BLTP3A: variants seen among roughly 807,000 people sequenced by gnomAD.
BLTP3A encodes the protein bridge-like lipid transfer protein family member 3A.
At chr6:34,800,808 A>C in the BLTP3A span, among the ~76,000 whole-genome samples, 5 of 144,896 alleles carry the variant, frequency 3.5e-5, no homozygotes, top group Admixed American at 2.7e-4. Flanking sequence ...GCTCACTGCC[A>C]CCTCCGCCTC....
the BLTP3A span, chr6:34,858,549 C>T: frequency 1.2e-6 from 2 of 1,614,168 alleles, no homozygotes; most frequent in Non-Finnish European, 1.7e-6. Flanking sequence ...CCTGCCTACC[C>T]CTCCGCTGGC....
the BLTP3A span, chr6:34,875,753 T>TA: frequency 3.9e-5 from 6 of 152,196 alleles, no homozygotes; most frequent in Non-Finnish European, 7.3e-5. Flanking sequence ...GGGATTTTAG[T>TA]AAAAATCAGC....
the BLTP3A span, chr6:34,792,228 T>C: frequency 2.3e-5 from 35 of 1,533,160 alleles, no homozygotes; most frequent in Non-Finnish European, 2.9e-5. Flanking sequence ...CCACCCGCCT[T>C]CCACGCGGGC....
At chr6:34,869,037 G>C in the BLTP3A span, among the ~76,000 whole-genome samples, 1 of 151,508 alleles carries the variant, frequency 6.6e-6, no homozygotes, top group East Asian at 1.9e-4. Context: ...ACACAGTCTT[G>C]CTCTGTTGCC....
chr6:34,868,460 T>C, the BLTP3A span, among the ~76,000 whole-genome samples: 2 of 151,896 alleles, frequency 1.3e-5, no homozygotes, highest in Admixed American at 6.6e-5. Context: ...TGGTGGCTCA[T>C]GCCTGTAATC....
the BLTP3A span, chr6:34,871,179 C>T: frequency 6.5e-7 from 1 of 1,546,074 alleles, no homozygotes; most frequent in Non-Finnish European, 8.7e-7. Flanking sequence ...TGGACTTTGT[C>T]AAGCAAGGAA....
the BLTP3A span, among the ~76,000 whole-genome samples, chr6:34,852,830 G>T: frequency 2.0e-5 from 3 of 152,204 alleles, no homozygotes; most frequent in Non-Finnish European, 4.4e-5. Flanking sequence ...CCAGAACTCA[G>T]GTAATAACCT....
At chr6:34,872,644 G>A in the BLTP3A span, 64 of 519,048 alleles carry the variant, frequency 1.2e-4, no homozygotes, top group Non-Finnish European at 1.8e-4. Context: ...TTGTATCCCA[G>A]GAAACTGGGG....
At chr6:34,856,081 T>C in the BLTP3A span, among the ~76,000 whole-genome samples, 14 of 152,228 alleles carry the variant, frequency 9.2e-5, no homozygotes, top group Non-Finnish European at 1.6e-4. Flanking sequence ...CCCAGAAGAA[T>C]GTGCAACCTA....
chr6:34,809,624 G>T, the BLTP3A span, among the ~76,000 whole-genome samples: 29,426 of 151,968 alleles, frequency 0.19, 3,383 homozygotes, highest in African/African-American at 0.31. Flanking sequence ...GGAGTGCAGT[G>T]CTGTGATCTC....
the BLTP3A span, chr6:34,873,260 C>G: frequency 3.3e-5 from 5 of 152,194 alleles, no homozygotes; most frequent in Non-Finnish European, 7.3e-5. Context: ...GAGCTTGCTT[C>G]TGAGCCCCCT....
chr6:34,793,941 A>G, the BLTP3A span, among the ~76,000 whole-genome samples: 1 of 151,386 alleles, frequency 6.6e-6, no homozygotes, highest in South Asian at 2.1e-4. Context: ...AAAAAAAAGA[A>G]TGAATAAGAC....
the BLTP3A span, chr6:34,864,067 G>A: frequency 7.4e-6 from 12 of 1,613,916 alleles, no homozygotes; most frequent in Non-Finnish European, 1.0e-5. Flanking sequence ...GCACGACTCC[G>A]ATTTTTCTCC....
At chr6:34,864,785 T>C in the BLTP3A span, among the ~76,000 whole-genome samples, 1 of 152,030 alleles carries the variant, frequency 6.6e-6, no homozygotes, top group Non-Finnish European at 1.5e-5. Flanking sequence ...CTGGCCAACA[T>C]GGTAAAAACC....
At chr6:34,818,002 C>T in the BLTP3A span, among the ~76,000 whole-genome samples, 15 of 152,168 alleles carry the variant, frequency 9.9e-5, no homozygotes, top group Middle Eastern at 3.4e-3. Flanking sequence ...TACAGTCATG[C>T]GCCACCACGA....
At chr6:34,847,921 C>CTTTTTTTTTTTTTTT in the BLTP3A span, among the ~76,000 whole-genome samples, 2 of 91,174 alleles carry the variant, frequency 2.2e-5, no homozygotes, top group Non-Finnish European at 4.1e-5. Flanking sequence ...TCTTTTTTTC[C>CTTTTTTTTTTTTTTT]TTTTTTTTTT....
the BLTP3A span, among the ~76,000 whole-genome samples, chr6:34,831,631 T>C: frequency 1.3e-5 from 2 of 152,218 alleles, no homozygotes; most frequent in Non-Finnish European, 2.9e-5. Context: ...TAGTCCATCT[T>C]GGAACTGATT....
the BLTP3A span, chr6:34,857,019 G>A: frequency 1.3e-6 from 2 of 1,491,638 alleles, no homozygotes; most frequent in Non-Finnish European, 1.8e-6. Flanking sequence ...TTGGAATTTG[G>A]GGACTATTTA....
chr6:34,821,465 T>G, the BLTP3A span: 1 of 575,756 alleles, frequency 1.7e-6, no homozygotes, highest in Non-Finnish European at 3.1e-6. Flanking sequence ...AGTGCAGTGT[T>G]TACAACTAAT....
Sources: allele counts gnomAD v4.1 joint callset (sites outside exome capture counted in the v4.1 genomes callset), GRCh38; gene constraint gnomAD v4.1.1; transcripts MANE v1.5; gene names NCBI Gene and HGNC (gene_info 2026-07-23, HGNC 2026-07-21).